GRID1: variants seen among roughly 807,000 people sequenced by gnomAD.
GRID1 encodes glutamate ionotropic receptor delta type subunit 1.
Under a neutral mutation model 98.0 loss-of-function variants are expected in GRID1, and 28 were observed. The observed-to-expected ratio is 0.29, with a 90% CI of 0.21 to 0.39. GRID1 has a LOEUF of 0.39. GRID1 is among the 10% of genes least tolerant of loss of function. The probability of loss-of-function intolerance (pLI) is 1.00; values close to 1 mark genes in which losing one functional copy is unlikely to be tolerated. For synonymous variants in GRID1, 553 were observed against 538.5 expected, an observed-to-expected ratio of 1.03 and a Z score of -0.37; for missense variants, 1,111 against 1,340.5, an observed-to-expected ratio of 0.83 and a Z score of 2.67.
chr10:86,299,516 T>C (rs1847651072), intron 2 of GRID1, among the ~76,000 whole-genome samples: 1 of 147,680 alleles, frequency 6.8e-6, no homozygotes, highest in Admixed American at 6.8e-5. Context: ...CCCTGGTGTG[T>C]GAAGTTCCCC....
At chr10:85,975,451 G>A (rs112526044) in intron 4 of GRID1, among the ~76,000 whole-genome samples, 5 of 152,330 alleles carry the variant, frequency 3.3e-5, no homozygotes, top group African/African-American at 9.6e-5. Flanking sequence ...TTAGGGCCAA[G>A]AGGGCGATTG....
chr10:85,987,583 C>G (rs995234763), intron 4 of GRID1, among the ~76,000 whole-genome samples: 1 of 146,992 alleles, frequency 6.8e-6, no homozygotes, highest in Non-Finnish European at 1.5e-5. Context: ...CCTCACCTCC[C>G]CTACAGCCTT....
chr10:85,937,288 G>A (rs147675694), intron 4 of GRID1, among the ~76,000 whole-genome samples: 85 of 152,346 alleles, frequency 5.6e-4, no homozygotes, highest in African/African-American at 2.0e-3. Context: ...CCAGTCTAAC[G>A]TGAAACACAG....
chr10:85,894,114 T>C (rs1841244363), intron 5 of GRID1, among the ~76,000 whole-genome samples: 1 of 152,126 alleles, frequency 6.6e-6, no homozygotes, highest in East Asian at 1.9e-4. Flanking sequence ...CAATAGACAA[T>C]CCTTCCACCA....
In GRID1 at chr10:85,690,722, T is replaced by G. The variant is rs573134193; in HGVS notation, c.1997+32281A>C. 3.0e-4 allele frequency among the ~76,000 whole-genome samples: 46 copies of G among 152,326 alleles called. 1 individual carries two copies. In the South Asian group the frequency reaches 9.3e-3, roughly 31 times the overall value. ...ACAGATCTTCTTCCAAATAAATCATTTGTAAATGTTGGCACAGTTGCACAT... is the reference window on the plus strand; with the variant it reads ...ACAGATCTTCTTCCAAATAAATCATGTGTAAATGTTGGCACAGTTGCACAT... On this transcript the variant is annotated intron_variant, in intron 12 of 15. Transcript: ENST00000327946.
intron 2 of GRID1, among the ~76,000 whole-genome samples, chr10:86,262,643 C>T (rs1243132149): frequency 1.3e-5 from 2 of 152,224 alleles, no homozygotes; most frequent in African/African-American, 4.8e-5. Flanking sequence ...CCCCACTTCA[C>T]TGTTAACAAA....
At chr10:85,605,776 G>A (rs1425362736) in intron 15 of GRID1, 1 of 152,174 alleles carries the variant, frequency 6.6e-6, no homozygotes, top group Non-Finnish European at 1.5e-5. Context: ...TTAACTTCCT[G>A]TCCAAGAAGA....
intron 3 of GRID1, among the ~76,000 whole-genome samples, chr10:86,166,742 G>A (rs1295673875): frequency 1.3e-5 from 2 of 152,174 alleles, no homozygotes; most frequent in Non-Finnish European, 2.9e-5. Flanking sequence ...GGTTTTATGT[G>A]AGCAGAATGC....
intron 8 of GRID1, among the ~76,000 whole-genome samples, chr10:85,729,949 T>C (rs1841804886): frequency 6.6e-6 from 1 of 152,212 alleles, no homozygotes; most frequent in African/African-American, 2.4e-5. Context: ...GCCTGCAAAA[T>C]ACCCTCTTTC....
chr10:85,826,488 A>C (rs1451849066), intron 8 of GRID1, among the ~76,000 whole-genome samples: 1 of 152,194 alleles, frequency 6.6e-6, no homozygotes, highest in Non-Finnish European at 1.5e-5. Context: ...CACAGATGCC[A>C]GCAACTGTGA....
At chr10:85,958,401 A>G (rs78767338) in intron 4 of GRID1, among the ~76,000 whole-genome samples, 18,640 of 152,156 alleles carry the variant, frequency 0.12, 1,303 homozygotes, top group Admixed American at 0.22. Context: ...TTAATTTTAT[A>G]TGTCTATTTG....
At chr10:86,238,094 C>T (rs2814333) in intron 2 of GRID1, among the ~76,000 whole-genome samples, 132,086 of 152,242 alleles carry the variant, frequency 0.87, 57,892 homozygotes, top group African/African-American at 0.9. Flanking sequence ...AGCCTGGCCA[C>T]GTGGTAGAAA....
chr10:85,649,010 T>TAGAAGC (rs1435855195), intron 12 of GRID1, among the ~76,000 whole-genome samples: 1 of 152,220 alleles, frequency 6.6e-6, no homozygotes, highest in Non-Finnish European at 1.5e-5. Context: ...ATAATGGAGA[T>TAGAAGC]AGAAGCAGAG....
intron 12 of GRID1, among the ~76,000 whole-genome samples, chr10:85,659,580 C>T (rs1306796025): frequency 6.6e-6 from 1 of 152,182 alleles, no homozygotes; most frequent in African/African-American, 2.4e-5. Context: ...CACACATGGG[C>T]CAGTGATTGA....
In GRID1 at chr10:86,138,913, G is replaced by A. The variant is rs139199003; in HGVS notation, c.632C>T (p.Thr211Met). The A allele has an allele frequency of 1.8e-5, 29 of 1,612,768 alleles. No homozygotes were observed. Among genetic ancestry groups the A allele is most frequent in the African/African-American group, 6.7e-5 (5 of 74,914 alleles). The change falls in exon 4 of 16, where the codon ACG becomes ATG. Residue 211 changes from threonine (T) to methionine (M), a missense_variant. Physicochemically the swap from Thr to Met is moderately conservative, Grantham distance 81 (BLOSUM62 -1). Transcript: ENST00000327946. ...ISHVFTSLFT[T>M]MKTEELNRYR... is the part of the protein sequence containing the mutation. ...GCGATTCAGCTCCTCTGTCTTCATC[G>A]TGGTGAAGAGGCTGGTGAATACGTG...
intron 3 of GRID1, among the ~76,000 whole-genome samples, chr10:86,141,574 C>G (rs907564180): frequency 1.2e-4 from 18 of 152,236 alleles, no homozygotes; most frequent in African/African-American, 4.1e-4. Context: ...TAACAGCCTT[C>G]CACGGGTGCC....
intron 13 of GRID1, among the ~76,000 whole-genome samples, chr10:85,622,424 AT>A (rs1216081090): frequency 1.3e-5 from 2 of 152,202 alleles, no homozygotes; most frequent in South Asian, 4.1e-4. Context: ...TTTAAAAAAA[AT>A]ATAGACAGTC....
At chr10:85,678,442 A>G (rs958604258) in intron 12 of GRID1, among the ~76,000 whole-genome samples, 12 of 152,094 alleles carry the variant, frequency 7.9e-5, no homozygotes, top group African/African-American at 2.7e-4. Flanking sequence ...ATGCCCTAGG[A>G]GCAGAAATTG....
intron 8 of GRID1, among the ~76,000 whole-genome samples, chr10:85,741,034 G>A: frequency 6.6e-6 from 1 of 152,120 alleles, no homozygotes; most frequent in Non-Finnish European, 1.5e-5. Flanking sequence ...GATTACAGGT[G>A]AGCCACTGCG....
Sources: gnomAD v4.1 joint callset for allele counts (sites outside exome capture counted in the v4.1 genomes callset) on GRCh38, gnomAD v4.1.1 for gene constraint, MANE v1.5 for transcripts, NCBI Gene and HGNC (gene_info 2026-07-23, HGNC 2026-07-21) for gene names.